STON1: variants seen among roughly 807,000 people sequenced by gnomAD.
STON1 encodes the protein stonin 1, also known as stonin-1.
A neutral mutation model predicts 60.9 loss-of-function variants in STON1; 79 were observed. The ratio of observed to expected loss-of-function variants is 1.30; its 90% CI spans 1.08 to 1.56. STON1 has a LOEUF of 1.56. Among genes scored for constraint, STON1 ranks in the 40% most tolerant of loss-of-function variants. The pLI is 0.00. For synonymous variants in STON1, 363 were observed against 306.9 expected, an observed-to-expected ratio of 1.18 and a Z score of -1.91; for missense variants, 1,166 against 858.9, an observed-to-expected ratio of 1.36 and a Z score of -4.47.
intron 1 of STON1, among the ~76,000 whole-genome samples, chr2:48,533,095 A>C (rs920296857): frequency 6.6e-6 from 1 of 152,104 alleles, no homozygotes; most frequent in African/African-American, 2.4e-5. Context: ...TCTTAAAAAA[A>C]AAGATGGGCC....
intron 1 of STON1, among the ~76,000 whole-genome samples, chr2:48,541,744 C>T (rs1226369247): frequency 1.4e-5 from 2 of 140,638 alleles, no homozygotes; most frequent in African/African-American, 5.2e-5. Flanking sequence ...AAACAGAATA[C>T]AGCAAAGTAA....
At chr2:48,552,341 GA>G (rs1672139386) in intron 1 of STON1, among the ~76,000 whole-genome samples, 1 of 152,196 alleles carries the variant, frequency 6.6e-6, no homozygotes, top group African/African-American at 2.4e-5. Context: ...GCAGGGGCTG[GA>G]GAGAAGATGA....
Position 48,595,895 on chromosome 2 carries a change from T to A in STON1, c.*593T>A, listed in dbSNP as rs1478189567. 1 of 152,426 alleles carries A rather than the reference T, an allele frequency of 6.6e-6. No individual in the cohort carries two copies. Among genetic ancestry groups the A allele is most frequent in the African/African-American group, 2.4e-5 (1 of 41,440 alleles). 9.4% of individuals were successfully genotyped at this position (152,426 alleles called of 1,614,324 possible). On this transcript the variant is annotated 3_prime_UTR_variant, in exon 4 of 4. Transcript: ENST00000404752. Reference sequence around the variant, plus strand: ...AATAATTGGCTATATTTGGTACCTGTCTCTCTCCTACTGTATTGTCATTTT... The same window carrying A: ...AATAATTGGCTATATTTGGTACCTGACTCTCTCCTACTGTATTGTCATTTT...
In STON1 at chr2:48,580,749, G is replaced by C. The variant is rs747063284; in HGVS notation, c.116G>C (p.Gly39Ala). The change falls in exon 2 of 4, where the codon GGA (glycine) becomes GCA (alanine). Residue 39 changes from glycine to alanine, a missense_variant. Gly to Ala is a moderately conservative substitution (Grantham distance 60). Transcript: ENST00000404752. Reference sequence around the variant, plus strand: ...AATCAAGGTGTCTGTAGACCAAATGGACTGAAGCTGAACCTTCCTGGCCTC... The same window carrying C: ...AATCAAGGTGTCTGTAGACCAAATGCACTGAAGCTGAACCTTCCTGGCCTC... ...LENQGVCRPN[G>A]LKLNLPGLRE... The C allele has an allele frequency of 5.2e-6, 8 of 1,548,620 alleles. No homozygotes were observed. The African/African-American group carries it at 9.7e-5, about 19-fold the overall frequency.
In STON1 at chr2:48,543,823, C is replaced by T. The variant is rs184842487; in HGVS notation, c.-48+13607C>T. On this transcript the variant is annotated intron_variant, in intron 1 of 3. Coordinates refer to ENST00000404752, the MANE Select transcript of STON1 (RefSeq NM_006873.4). ...TTGGGATTACAGGCGTGAGCCACCA[C>T]TCCCGACAACGATAACATTTTAAAT... 3.3e-5 allele frequency among the ~76,000 whole-genome samples: 5 copies of T among 152,182 alleles called. No homozygotes were observed. The East Asian group carries it at 5.8e-4, about 18-fold the overall frequency.
At position 48,580,690 on chromosome 2, in the gene STON1, A is replaced by G. The variant is rs767009078; in HGVS notation, c.57A>G (p.Gln19=). 9.0e-6 allele frequency: 13 copies of G among 1,450,608 alleles called. No individual in the cohort carries two copies. Among genetic ancestry groups the G allele is most frequent in the Middle Eastern group, 1.9e-4 (1 of 5,398 alleles). 89.9% of individuals were successfully genotyped at this position (1,450,608 alleles called of 1,614,324 possible). The change falls in exon 2 of 4, where the codon CAA becomes CAG. Residue 19 remains glutamine, a synonymous_variant. Transcript: ENST00000404752. The part of the protein sequence containing the change: ...WVTFDDDPAV[Q]SSQKSKNFPL... ...CCTTTGATGATGATCCTGCTGTTCA[A>G]TCTTCTCAAAAGTCAAAGAATTTTC...
intron 2 of STON1, among the ~76,000 whole-genome samples, chr2:48,584,844 CT>C (rs1256190775): frequency 2.0e-5 from 3 of 152,166 alleles, no homozygotes; most frequent in Non-Finnish European, 4.4e-5. Flanking sequence ...ATGGGACCAC[CT>C]TGTCCATGAC....
intron 1 of STON1, among the ~76,000 whole-genome samples, chr2:48,546,511 C>G (rs1671872498): frequency 6.6e-6 from 1 of 152,246 alleles, no homozygotes; most frequent in Non-Finnish European, 1.5e-5. Flanking sequence ...GTTATGGACA[C>G]TTGCCACCAT....
intron 1 of STON1, among the ~76,000 whole-genome samples, chr2:48,558,373 G>T (rs1174529577): frequency 6.6e-6 from 1 of 152,220 alleles, no homozygotes; most frequent in Non-Finnish European, 1.5e-5. Flanking sequence ...TAATTCAGCA[G>T]TACTTGCCTG....
intron 2 of STON1, among the ~76,000 whole-genome samples, chr2:48,586,551 T>C (rs1012063318): frequency 7.2e-5 from 11 of 152,242 alleles, no homozygotes; most frequent in Admixed American, 2.6e-4. Context: ...GGAGAGTCAA[T>C]AGAGTTTCCA....
intron 2 of STON1, among the ~76,000 whole-genome samples, chr2:48,587,518 C>T (rs1054905461): frequency 2.6e-5 from 4 of 152,148 alleles, no homozygotes; most frequent in Non-Finnish European, 5.9e-5. Context: ...GTCTCAAACT[C>T]CTGACCTCGT....
At chr2:48,549,270 A>G (rs1283072374) in intron 1 of STON1, among the ~76,000 whole-genome samples, 1 of 152,180 alleles carries the variant, frequency 6.6e-6, no homozygotes, top group East Asian at 1.9e-4. Context: ...TTTCAAGTCC[A>G]TTGCCTTATA....
rs764469238 is a variant in STON1, at chr2:48,582,069, G to A, written c.1436G>A (p.Gly479Glu). ...TATGAGAAGGACTCAGAAAAAAAGGGGATTGATATTCTTGACTACCATTTT... is the reference window on the plus strand; with the variant it reads ...TATGAGAAGGACTCAGAAAAAAAGGAGATTGATATTCTTGACTACCATTTT... ...SYYEKDSEKK[G>E]IDILDYHFHK... is the part of the protein sequence containing the mutation. Residue 479 changes from glycine (G) to glutamate (E), a missense_variant, in exon 2 of 4, where the codon GGG (glycine) becomes GAG (glutamate). Physicochemically the swap from Gly to Glu is moderately conservative, Grantham distance 98. Coordinates refer to ENST00000404752, the MANE Select transcript of STON1 (RefSeq NM_006873.4). The A allele has an allele frequency of 6.2e-7, 1 of 1,613,984 alleles. No individual in the cohort carries two copies. The highest frequency in any genetic ancestry group is 1.3e-5 in the African/African-American group (1 of 74,896).
chr2:48,547,291 G>C (rs955087615), intron 1 of STON1, among the ~76,000 whole-genome samples: 1 of 152,160 alleles, frequency 6.6e-6, no homozygotes, highest in East Asian at 1.9e-4. Flanking sequence ...CAAATGACCG[G>C]TGCTTTACAT....
In STON1 at chr2:48,542,051, A is replaced by G. The variant is rs570645366; in HGVS notation, c.-48+11835A>G. On this transcript the variant is annotated intron_variant, in intron 1 of 3. Transcript: ENST00000404752. Reference sequence around the variant, plus strand: ...TGTTGAAAAGAAAAAACATGTGGAAAAGTTCCTGTTGTCCTTGGATATGAA... The same window carrying G: ...TGTTGAAAAGAAAAAACATGTGGAAGAGTTCCTGTTGTCCTTGGATATGAA... Among the ~76,000 whole-genome samples, 4 of 152,284 alleles carry G rather than the reference A, an allele frequency of 2.6e-5. 1 individual carries two copies. In the South Asian group the frequency reaches 8.3e-4, roughly 32 times the overall value.
In STON1 at chr2:48,581,779, G is replaced by A. The variant is rs749672597; in HGVS notation, c.1146G>A (p.Ser382=). ...AGATGCTGAAGTTGGGGTCCACATCGTACCATGACTTCCTTGACTTTCTGA... is the reference window on the plus strand; with the variant it reads ...AGATGCTGAAGTTGGGGTCCACATCATACCATGACTTCCTTGACTTTCTGA... ...IEQMLKLGST[S]YHDFLDFLTT... Residue 382 remains serine (S), a synonymous_variant, in exon 2 of 4, where the codon TCG becomes TCA. Coordinates refer to ENST00000404752, the MANE Select transcript of STON1 (RefSeq NM_006873.4). 2.2e-5 allele frequency: 35 copies of A among 1,613,984 alleles called. No individual in the cohort carries two copies. The highest frequency in any genetic ancestry group is 4.0e-5 in the African/African-American group (3 of 74,926).
At chr2:48,589,352 C>T (rs1674388969) in intron 2 of STON1, among the ~76,000 whole-genome samples, 1 of 152,190 alleles carries the variant, frequency 6.6e-6, no homozygotes, top group African/African-American at 2.4e-5. Flanking sequence ...ATGACCAAAG[C>T]TGGACAGTTC....
chr2:48,569,484 G>C (rs1028478619), intron 1 of STON1, among the ~76,000 whole-genome samples: 1 of 152,162 alleles, frequency 6.6e-6, no homozygotes, highest in African/African-American at 2.4e-5. Context: ...TTAATTTGTG[G>C]AAAAGTGAAA....
At position 48,564,480 on chromosome 2, in the gene STON1, T is replaced by TTCTTCTTCTTCTTCTTCTTCTTCTTC. The variant is rs1558604783; in HGVS notation, c.-47-16106_-47-16105insCTTCTTCTTCTTCTTCTTCTTCTTCT. Among the ~76,000 whole-genome samples, 12 of 32,480 alleles carry TTCTTCTTCTTCTTCTTCTTCTTCTTC rather than the reference T, an allele frequency of 3.7e-4. 2 individuals are homozygous for TTCTTCTTCTTCTTCTTCTTCTTCTTC. Among genetic ancestry groups the TTCTTCTTCTTCTTCTTCTTCTTCTTC allele is most frequent in the African/African-American group, 1.4e-3 (12 of 8,656 alleles). 21.3% of individuals were successfully genotyped at this position (32,480 alleles called of 152,430 possible). A position where few individuals can be genotyped will look rare whatever the true frequency, so the allele number is the denominator to read the frequency against. Reference sequence around the variant, plus strand: ...CTTCTTCTTCTTCTTCTTCTTCTTCTTTCTTCTTCTTCTTCTTCTTCTTCT... The same window carrying TTCTTCTTCTTCTTCTTCTTCTTCTTC: ...CTTCTTCTTCTTCTTCTTCTTCTTCTTCTTCTTCTTCTTCTTCTTCTTCTTCTTCTTCTTCTTCTTCTTCTTCTTCT... On this transcript the variant is annotated intron_variant, in intron 1 of 3. Coordinates refer to ENST00000404752, the MANE Select transcript of STON1 (RefSeq NM_006873.4).
Sources: gnomAD v4.1 joint callset for allele counts (sites outside exome capture counted in the v4.1 genomes callset) on GRCh38, gnomAD v4.1.1 for gene constraint, MANE v1.5 for transcripts, NCBI Gene and HGNC (gene_info 2026-07-23, HGNC 2026-07-21) for gene names.